The following NALF1 variants were observed in gnomAD, a reference collection of about 807,000 sequenced individuals.
NALF1 encodes NALCN channel auxiliary factor 1.
In NALF1, 3 loss-of-function variants were observed where a neutral mutation model predicts 48.4. The ratio of observed to expected loss-of-function variants is 0.06; its 90% confidence interval spans 0.03 to 0.16. The LOEUF is 0.16. NALF1 is among the 10% of genes least tolerant of loss of function. The pLI is 1.00. For synonymous variants in NALF1, 262 were observed against 245.7 expected (o/e 1.07, Z -0.62); for missense variants, 526 against 571.5 (o/e 0.92, Z 0.81).
intron 1 of NALF1, among the ~76,000 whole-genome samples, chr13:107,748,188 CA>C (rs1260604605): frequency 6.6e-6 from 1 of 152,064 alleles, no homozygotes; most frequent in African/African-American, 2.4e-5. Context: ...AAATGAAAAG[CA>C]GGGAACTCTT....
At chr13:107,197,705 C>T (rs1879423283) in intron 2 of NALF1, among the ~76,000 whole-genome samples, 1 of 152,172 alleles carries the variant, frequency 6.6e-6, no homozygotes, top group South Asian at 2.1e-4. Context: ...CTCTACAGCT[C>T]TGTGATTTTA....
intron 1 of NALF1, among the ~76,000 whole-genome samples, chr13:107,850,944 G>A (rs1447031730): frequency 6.6e-6 from 1 of 151,972 alleles, no homozygotes; most frequent in East Asian, 1.9e-4. Flanking sequence ...AAATTGCTGT[G>A]AACAATTTGA....
At chr13:107,235,926 G>A (rs951077326) in intron 1 of NALF1, among the ~76,000 whole-genome samples, 2 of 152,040 alleles carry the variant, frequency 1.3e-5, no homozygotes, top group African/African-American at 4.8e-5. Flanking sequence ...CCCATGTTTT[G>A]GGGACATGTT....
chr13:107,205,636 G>A (rs1259052720), intron 2 of NALF1, among the ~76,000 whole-genome samples: 20 of 152,076 alleles, frequency 1.3e-4, no homozygotes. Flanking sequence ...AAAAAAAATG[G>A]AATGCAGAAT....
chr13:107,782,378 G>A (rs1332126037), intron 1 of NALF1, among the ~76,000 whole-genome samples: 1 of 152,160 alleles, frequency 6.6e-6, no homozygotes, highest in South Asian at 2.1e-4. Flanking sequence ...AGGCTGGAGT[G>A]CAGTGGCGTG....
chr13:107,207,540 G>T (rs567847586), intron 2 of NALF1, among the ~76,000 whole-genome samples: 1 of 152,346 alleles, frequency 6.6e-6, no homozygotes, highest in African/African-American at 2.4e-5. Flanking sequence ...CATCATCCAA[G>T]ATGAAACCCA....
chr13:107,759,982 T>C (rs983479306), intron 1 of NALF1, among the ~76,000 whole-genome samples: 1 of 152,140 alleles, frequency 6.6e-6, no homozygotes, highest in African/African-American at 2.4e-5. Flanking sequence ...GTGTGAAATA[T>C]CTATCTAGTA....
chr13:107,834,667 ATT>A (rs1198220622), intron 1 of NALF1, among the ~76,000 whole-genome samples: 1 of 152,168 alleles, frequency 6.6e-6, no homozygotes, highest in African/African-American at 2.4e-5. Context: ...AATAGACTCA[ATT>A]TTCATTTTCA....
chr13:107,293,186 T>G (rs1329603970), intron 1 of NALF1, among the ~76,000 whole-genome samples: 1 of 151,882 alleles, frequency 6.6e-6, no homozygotes, highest in Non-Finnish European at 1.5e-5. Flanking sequence ...TTCACCTTGT[T>G]AGCCAGGATG....
chr13:107,170,873 C>T lies in NALF1; in HGVS notation c.1088-87G>A, dbSNP rs1047510414. The T allele has an allele frequency of 3.2e-6, 4 of 1,259,260 alleles. No homozygotes were observed. The African/African-American group carries it at 6.0e-5, about 19-fold the overall frequency. The allele number at this position is 1,259,260 out of a possible 1,614,324, so 78.0% of individuals were successfully genotyped here. The stretch of plus-strand genomic sequence containing the variant: ...GAAGCTGTTGCTTTAACATTCTAAC[C>T]CACAAAATCTTACAGGCAATTAGAC... On this transcript the variant is annotated intron_variant, in intron 2 of 2. Coordinates refer to ENST00000375915, the MANE Select transcript of NALF1 (RefSeq NM_001080396.3).
intron 1 of NALF1, among the ~76,000 whole-genome samples, chr13:107,309,056 C>A (rs1881995344): frequency 6.6e-6 from 1 of 152,208 alleles, no homozygotes; most frequent in Non-Finnish European, 1.5e-5. Flanking sequence ...TGGCGCTATT[C>A]CAATAGAAAT....
At chr13:107,517,490 G>A (rs1302151323) in intron 1 of NALF1, among the ~76,000 whole-genome samples, 3 of 151,984 alleles carry the variant, frequency 2.0e-5, no homozygotes, top group East Asian at 3.9e-4. Context: ...AAATTAGCCG[G>A]GCGTGGTGGT....
chr13:107,854,659 T>C (rs1421872561), intron 1 of NALF1, among the ~76,000 whole-genome samples: 3 of 151,854 alleles, frequency 2.0e-5, no homozygotes, highest in African/African-American at 7.3e-5. Context: ...GATCACGAGG[T>C]CCAGAGATTG....
rs367617385 is a variant in NALF1 at position 107,291,612 on chromosome 13, C to T, written c.916-80857G>A. On this transcript the variant is annotated intron_variant, in intron 1 of 2. Coordinates refer to ENST00000375915, the MANE Select transcript of NALF1 (RefSeq NM_001080396.3). ...AGGTTAATTGTAAGCACTTCTTGTT[C>T]CAGATACTTTGGATAAGGGATATTC... is the stretch of plus-strand genomic sequence containing the variant. 4.6e-5 allele frequency among the ~76,000 whole-genome samples: 7 copies of T among 152,012 alleles called. No individual in the cohort carries two copies. The South Asian group carries it at 1.5e-3, about 32-fold the overall frequency.
chr13:107,514,446 T>TATCTATCTATCTATCTA (rs1260756185), intron 1 of NALF1, among the ~76,000 whole-genome samples: 1 of 151,098 alleles, frequency 6.6e-6, no homozygotes, highest in Non-Finnish European at 1.5e-5. Context: ...TCTATCTATC[T>TATCTATCTATCTATCTA]ATCTATCTAT....
At chr13:107,474,632 AT>A (rs1446485834) in intron 1 of NALF1, among the ~76,000 whole-genome samples, 17 of 152,200 alleles carry the variant, frequency 1.1e-4, no homozygotes, top group Non-Finnish European at 2.2e-4. Context: ...GTAGGTGTTT[AT>A]TGTGTTATTC....
intron 1 of NALF1, among the ~76,000 whole-genome samples, chr13:107,809,156 T>A (rs539124496): frequency 6.6e-6 from 1 of 151,878 alleles, no homozygotes; most frequent in Non-Finnish European, 1.5e-5. Flanking sequence ...GCATTTCACA[T>A]TTCTCTTCAT....
At chr13:107,234,143 T>C (rs1454771655) in intron 1 of NALF1, among the ~76,000 whole-genome samples, 2 of 152,232 alleles carry the variant, frequency 1.3e-5, no homozygotes, top group Admixed American at 6.5e-5. Context: ...CACAATTAAA[T>C]AGAGGTTTCT....
At chr13:107,526,975 C>A (rs1055164301) in intron 1 of NALF1, among the ~76,000 whole-genome samples, 22 of 152,054 alleles carry the variant, frequency 1.4e-4, no homozygotes, top group Non-Finnish European at 2.5e-4. Context: ...TGATCTTAGG[C>A]TGAAGAACCA....
Sources: allele counts gnomAD v4.1 joint callset (sites outside exome capture counted in the v4.1 genomes callset), GRCh38; gene constraint gnomAD v4.1.1; transcripts MANE v1.5; gene names NCBI Gene and HGNC (gene_info 2026-07-23, HGNC 2026-07-21).